The following UNC13B variants were observed in gnomAD, a reference collection of about 807,000 sequenced individuals.
The protein encoded by UNC13B is unc-13 homolog B.
UNC13B carries 144 observed loss-of-function variants against 211.0 expected under a neutral mutation model. That is an observed-to-expected ratio of 0.68 (90% confidence interval 0.60 to 0.78). The LOEUF (loss-of-function observed/expected upper bound fraction) is 0.78, where lower values mean the gene tolerates loss of function less well. Among genes scored for constraint, UNC13B ranks in the 30% least tolerant of loss-of-function variants. The pLI, the probability that UNC13B is intolerant of heterozygous loss-of-function variation, is 0.00. For synonymous variants in UNC13B, 709 were observed against 725.8 expected, an observed-to-expected ratio of 0.98 and a Z score of 0.37; for missense variants, 1,777 against 2,002.0, an observed-to-expected ratio of 0.89 and a Z score of 2.14.
intron 18 of UNC13B, 27 bp downstream of exon 18, chr9:35,380,666 G>T (rs905728287): frequency 2.4e-5 from 39 of 1,613,828 alleles, no homozygotes; most frequent in Non-Finnish European, 3.2e-5. Context: ...CGAGAAAGTT[G>T]CTTGGAAGGG....
Position 35,302,673 on chromosome 9 carries a change from T to C in UNC13B, c.3269T>C (p.Ile1090Thr), listed in dbSNP as rs1829744457. The C allele has an allele frequency of 7.5e-6, 3 of 398,506 alleles. No individual in the cohort carries two copies. Among genetic ancestry groups the C allele is most frequent in the African/African-American group, 2.1e-5 (1 of 48,602 alleles). The allele number at this position is 398,506 out of a possible 1,614,324, so 24.7% of individuals were successfully genotyped here. ...CCTGGAGTTGTGCCCAAAGAACATA[T>C]AACTTCAGATCCTTTAGGAGAAGAT... ...AIPGVVPKEH[I>T]TSDPLGEDKN... The change falls in exon 9 of 40, where the codon ATA becomes ACA. Residue 1090 changes from isoleucine (I) to threonine (T), a missense_variant. Coordinates refer to ENST00000635942, the MANE Select transcript of UNC13B (RefSeq NM_001371189.2).
intron 1 of UNC13B, among the ~76,000 whole-genome samples, chr9:35,221,870 C>T (rs552601187): frequency 3.3e-4 from 50 of 152,192 alleles, no homozygotes; most frequent in Admixed American, 7.9e-4. Flanking sequence ...TATGCACTTG[C>T]ATATGAATAT....
chr9:35,199,866 T>C (rs1179874967), intron 1 of UNC13B, among the ~76,000 whole-genome samples: 1 of 152,204 alleles, frequency 6.6e-6, no homozygotes, highest in African/African-American at 2.4e-5. Flanking sequence ...TTGTCAATTT[T>C]GGCTTTTGTT....
chr9:35,263,096 G>A (rs1827373781), intron 7 of UNC13B, among the ~76,000 whole-genome samples: 2 of 152,148 alleles, frequency 1.3e-5, no homozygotes, highest in South Asian at 2.1e-4. Context: ...TTAGCAATAT[G>A]TACCAAGTCT....
At position 35,403,937 on chromosome 9, in the gene UNC13B, C is replaced by T. The variant is rs1204941174; in HGVS notation, c.12927C>T (p.Thr4309=). ...TCCATATGGATGAGACAGGCCTGACCATTCTCCGGATTTTATCTCAGAGGA... is the reference window on the plus strand; with the variant it reads ...TCCATATGGATGAGACAGGCCTGACTATTCTCCGGATTTTATCTCAGAGGA... The part of the protein sequence containing the change: ...RKIHMDETGL[T]ILRILSQRSN... Residue 4309 remains threonine (T), a synonymous_variant, in exon 40 of 40, where the codon ACC becomes ACT. Coordinates refer to ENST00000635942, the MANE Select transcript of UNC13B (RefSeq NM_001371189.2). 2 of 1,614,036 alleles carry T rather than the reference C, an allele frequency of 1.2e-6. No homozygotes were observed. Among genetic ancestry groups the T allele is most frequent in the Non-Finnish European group, 1.7e-6 (2 of 1,180,038 alleles).
intron 1 of UNC13B, among the ~76,000 whole-genome samples, chr9:35,213,097 G>A (rs1240652843): frequency 1.3e-5 from 2 of 152,232 alleles, no homozygotes; most frequent in East Asian, 3.8e-4. Flanking sequence ...CCAGGGCAGT[G>A]CCCTAAGTGG....
chr9:35,182,639 C>A (rs1822002816), intron 1 of UNC13B, among the ~76,000 whole-genome samples: 1 of 151,910 alleles, frequency 6.6e-6, no homozygotes, highest in African/African-American at 2.4e-5. Context: ...GTGTTTGTGT[C>A]CCTGGGTACT....
chr9:35,209,716 C>G (rs1384365140), intron 1 of UNC13B, among the ~76,000 whole-genome samples: 1 of 152,210 alleles, frequency 6.6e-6, no homozygotes, highest in African/African-American at 2.4e-5. Flanking sequence ...TGATATAGTT[C>G]TATACATTGC....
chr9:35,346,576 T>G (rs765319010), intron 11 of UNC13B, among the ~76,000 whole-genome samples: 12 of 152,228 alleles, frequency 7.9e-5, no homozygotes, highest in Non-Finnish European at 1.8e-4. Flanking sequence ...TTAATTCATT[T>G]TGTTTTGATG....
At chr9:35,241,141 A>G (rs1044115983) in intron 5 of UNC13B, among the ~76,000 whole-genome samples, 2 of 151,934 alleles carry the variant, frequency 1.3e-5, no homozygotes, top group African/African-American at 2.4e-5. Context: ...AAGTATTTAC[A>G]TATGTTAGCT....
intron 3 of UNC13B, among the ~76,000 whole-genome samples, chr9:35,231,488 T>C (rs1301132451): frequency 6.6e-6 from 1 of 152,176 alleles, no homozygotes; most frequent in Non-Finnish European, 1.5e-5. Flanking sequence ...TTGATTTGTG[T>C]TGGTGAAAAA....
intron 4 of UNC13B, 103 bp from the exon 5 acceptor site, chr9:35,237,600 C>A: frequency 6.9e-7 from 1 of 1,454,898 alleles, no homozygotes; most frequent in Non-Finnish European, 9.4e-7. Flanking sequence ...TGTGAATGGC[C>A]CTCAGAAGCT....
chr9:35,356,718 C>T (rs1228834889), intron 11 of UNC13B, among the ~76,000 whole-genome samples: 1 of 152,174 alleles, frequency 6.6e-6, no homozygotes, highest in Non-Finnish European at 1.5e-5. Flanking sequence ...AATTTCAGAA[C>T]ATTTCCATCA....
chr9:35,376,358 A>C, intron 15 of UNC13B, 111 bp downstream of exon 15: 1 of 1,078,260 alleles, frequency 9.3e-7, no homozygotes. Context: ...AGTCCACCTG[A>C]TTCTGAAACC....
intron 11 of UNC13B, among the ~76,000 whole-genome samples, chr9:35,345,580 G>A (rs1832303161): frequency 6.6e-6 from 1 of 152,136 alleles, no homozygotes; most frequent in Non-Finnish European, 1.5e-5. Context: ...GTTAAAACTG[G>A]ACTAAATGAG....
At chr9:35,176,096 T>G (rs1315604272) in intron 1 of UNC13B, among the ~76,000 whole-genome samples, 6 of 149,404 alleles carry the variant, frequency 4.0e-5, no homozygotes, top group Non-Finnish European at 7.4e-5. Flanking sequence ...AGGGAAGGAA[T>G]CTGTAAGAAG....
chr9:35,398,455 A>T, intron 31 of UNC13B, 99 bp from the exon 32 acceptor site: 1 of 1,385,686 alleles, frequency 7.2e-7, no homozygotes, highest in Non-Finnish European at 1.0e-6. Context: ...AGGGAGGAAT[A>T]GGCACTGGGG....
chr9:35,277,843 G>T (rs2131711029), intron 7 of UNC13B, among the ~76,000 whole-genome samples: 1 of 150,816 alleles, frequency 6.6e-6, no homozygotes, highest in African/African-American at 2.5e-5. Context: ...ACCCTCAATG[G>T]GTACACAGTA....
intron 1 of UNC13B, among the ~76,000 whole-genome samples, chr9:35,216,332 CATAGG>C (rs1761258007): frequency 6.6e-6 from 1 of 152,144 alleles, no homozygotes; most frequent in South Asian, 2.1e-4. Flanking sequence ...GTAAAACAAA[CATAGG>C]AAGAATTTGA....
Sources: allele counts gnomAD v4.1 joint callset (sites outside exome capture counted in the v4.1 genomes callset), GRCh38; gene constraint gnomAD v4.1.1; transcripts MANE v1.5; gene names NCBI Gene and HGNC (gene_info 2026-07-23, HGNC 2026-07-21).